SEMA4B: variants seen among roughly 807,000 people sequenced by gnomAD.
SEMA4B encodes semaphorin 4B, also known as semaphorin-4B.
Under a neutral mutation model 88.1 loss-of-function variants are expected in SEMA4B, and 55 were observed. That is an observed-to-expected ratio of 0.62 (90% CI 0.50 to 0.78). The LOEUF is 0.78. Among genes scored for constraint, SEMA4B ranks in the 30% least tolerant of loss-of-function variants. The pLI, the probability that SEMA4B is intolerant of heterozygous loss-of-function variation, is 0.00. For synonymous variants in SEMA4B, 525 were observed against 473.6 expected (o/e 1.11, Z -1.41); for missense variants, 1,062 against 1,111.9 (o/e 0.96, Z 0.64).
chr15:90,211,693 C>G (rs531280937), intron 1 of SEMA4B, among the ~76,000 whole-genome samples: 2 of 152,134 alleles, frequency 1.3e-5, no homozygotes, highest in African/African-American at 4.8e-5. Flanking sequence ...GGTGACTTAT[C>G]GTGACATCCC....
At chr15:90,221,956 T>G (rs2151621123) in intron 7 of SEMA4B, among the ~76,000 whole-genome samples, 191 bp downstream of exon 7, 1 of 151,982 alleles carries the variant, frequency 6.6e-6, no homozygotes, top group East Asian at 2.0e-4. Flanking sequence ...CTTTTTATTT[T>G]TAGACAGGAT....
At chr15:90,221,834 C>G in intron 7 of SEMA4B, 69 bp downstream of exon 7, 10 of 1,484,030 alleles carry the variant, frequency 6.7e-6, no homozygotes, top group Non-Finnish European at 9.2e-6. Flanking sequence ...CAAGATCACC[C>G]ACATCCATGC....
chr15:90,206,363 A>G (rs1048551887), intron 1 of SEMA4B, among the ~76,000 whole-genome samples: 1 of 152,144 alleles, frequency 6.6e-6, no homozygotes, highest in African/African-American at 2.4e-5. Flanking sequence ...CTTGGACTGC[A>G]TTCTCCATGC....
chr15:90,227,308 A>C (rs1962219919), intron 12 of SEMA4B: 2 of 460,194 alleles, frequency 4.3e-6, no homozygotes, highest in East Asian at 3.7e-5. Context: ...TGGCCTCCCA[A>C]AGTGCTGGGA....
chr15:90,209,466 G>T (rs986552723), intron 1 of SEMA4B, among the ~76,000 whole-genome samples: 1 of 152,130 alleles, frequency 6.6e-6, no homozygotes, highest in Non-Finnish European at 1.5e-5. Flanking sequence ...TCAGGAGGCT[G>T]AGGCTGAGGC....
rs1177452573 is a variant in SEMA4B at position 90,228,594 on chromosome 15, C to G, written c.2465C>G (p.Pro822Arg). Reference sequence around the variant, plus strand: ...TTCGTGGAGGTATCCCCAGTGTGCCCCCGGCCCCGGGTCCGCCTTGGCTCG... The same window carrying G: ...TTCGTGGAGGTATCCCCAGTGTGCCGCCGGCCCCGGGTCCGCCTTGGCTCG... Reference protein sequence around the residue: ...DSFVEVSPVCPRPRVRLGSEI... With the variant: ...DSFVEVSPVCRRPRVRLGSEI... The change falls in exon 14 of 14, where the codon CCC (proline) becomes CGC (arginine). Residue 822 changes from proline (P) to arginine (R), a missense_variant. By Grantham distance (103) the Pro-to-Arg change is moderately radical. Coordinates refer to ENST00000411539, the MANE Select transcript of SEMA4B (RefSeq NM_198925.4). 5.0e-6 allele frequency: 8 copies of G among 1,613,602 alleles called. No individual in the cohort carries two copies. In the South Asian group the frequency reaches 6.6e-5, roughly 13 times the overall value.
intron 1 of SEMA4B, among the ~76,000 whole-genome samples, chr15:90,203,565 G>A (rs1251732127): frequency 1.3e-5 from 2 of 152,182 alleles, no homozygotes; most frequent in South Asian, 2.1e-4. Flanking sequence ...CCTGCTTCCC[G>A]AGGAGCAGCT....
chr15:90,203,939 A>G (rs75254535), intron 1 of SEMA4B, among the ~76,000 whole-genome samples: 4,477 of 152,214 alleles, frequency 0.029, 197 homozygotes, highest in African/African-American at 0.1. Flanking sequence ...AGTTGCCACT[A>G]TACCCTGGAG....
chr15:90,197,598 C>T (rs1406502137), upstream of SEMA4B, among the ~76,000 whole-genome samples: 20 of 151,630 alleles, frequency 1.3e-4, no homozygotes, highest in Non-Finnish European at 5.9e-5. Context: ...CCACCACGCC[C>T]GGCTAATTTT....
intron 1 of SEMA4B, among the ~76,000 whole-genome samples, chr15:90,202,030 C>T (rs931017917): frequency 1.3e-5 from 2 of 152,258 alleles, no homozygotes; most frequent in Non-Finnish European, 2.9e-5. Context: ...GTCCGCCTGC[C>T]CATCTACTTG....
chr15:90,224,025 G>T, intron 9 of SEMA4B, 37 bp downstream of exon 9: 1 of 1,581,302 alleles, frequency 6.3e-7, no homozygotes, highest in Non-Finnish European at 8.6e-7. Flanking sequence ...AGGGGTGCCG[G>T]GAAGATGTGG....
At chr15:90,224,630 C>T (rs567830367) in intron 9 of SEMA4B, among the ~76,000 whole-genome samples, 105 of 152,322 alleles carry the variant, frequency 6.9e-4, no homozygotes, top group African/African-American at 2.3e-3. Context: ...CACTGGGACG[C>T]TCTGCCCGGC....
chr15:90,206,546 C>G lies in SEMA4B; in HGVS notation c.157+4811C>G, dbSNP rs537509430. 3 of 442,972 alleles carry G rather than the reference C, an allele frequency of 6.8e-6. No individual in the cohort carries two copies. In the East Asian group the frequency reaches 1.2e-4, roughly 17 times the overall value. 27.4% of individuals were successfully genotyped at this position (442,972 alleles called of 1,614,324 possible). On this transcript the variant is annotated intron_variant, in intron 1 of 13. Coordinates refer to ENST00000411539, the MANE Select transcript of SEMA4B (RefSeq NM_198925.4). Reference sequence around the variant, plus strand: ...CTCAGGCTCAGTTGCGTTCAAGATTCGGCTTCACCCGTAACCCACTGCCAT... The same window carrying G: ...CTCAGGCTCAGTTGCGTTCAAGATTGGGCTTCACCCGTAACCCACTGCCAT...
intron 1 of SEMA4B, among the ~76,000 whole-genome samples, chr15:90,208,698 A>G (rs1470429700): frequency 6.6e-6 from 1 of 151,614 alleles, no homozygotes. Flanking sequence ...TCTCCCTACC[A>G]TACTTTCAGC....
At chr15:90,187,754 C>T (rs1021265356) in intron 1 of SEMA4B, among the ~76,000 whole-genome samples, 11 of 152,162 alleles carry the variant, frequency 7.2e-5, no homozygotes, top group African/African-American at 2.7e-4. Flanking sequence ...CGCCTGTAAT[C>T]CCAGCATTTT....
chr15:90,200,465 T>A (rs1197443952), upstream of SEMA4B, among the ~76,000 whole-genome samples: 1 of 152,234 alleles, frequency 6.6e-6, no homozygotes, highest in African/African-American at 2.4e-5. Flanking sequence ...ATAGTTTCTA[T>A]GTTTTGTTTG....
intron 4 of SEMA4B, among the ~76,000 whole-genome samples, chr15:90,220,520 A>G (rs1208844565): frequency 1.3e-5 from 2 of 151,104 alleles, no homozygotes; most frequent in Non-Finnish European, 2.9e-5. Context: ...GGTGCCCGCC[A>G]CCACGCCTGG....
upstream of SEMA4B, among the ~76,000 whole-genome samples, chr15:90,199,077 T>C (rs1375448364): frequency 2.6e-5 from 4 of 152,180 alleles, no homozygotes; most frequent in African/African-American, 9.6e-5. Context: ...ATTCACCATG[T>C]TGGCCAGGCT....
chr15:90,194,329 C>T (rs978433998), intron 1 of SEMA4B, among the ~76,000 whole-genome samples: 2 of 151,532 alleles, frequency 1.3e-5, no homozygotes, highest in Admixed American at 6.6e-5. Context: ...GTCAAAAGTT[C>T]GAGACCAGCC....
Sources: gnomAD v4.1 joint callset for allele counts (sites outside exome capture counted in the v4.1 genomes callset) on GRCh38, gnomAD v4.1.1 for gene constraint, MANE v1.5 for transcripts, NCBI Gene and HGNC (gene_info 2026-07-23, HGNC 2026-07-21) for gene names.